Variants in ABR observed in about 807,000 individuals in gnomAD.
ABR encodes the protein active breakpoint cluster region-related protein.
In ABR, 35 loss-of-function variants were observed where a neutral mutation model predicts 107.2. The ratio of observed to expected loss-of-function variants is 0.33; its 90% CI spans 0.25 to 0.43. ABR has a LOEUF of 0.43. Ranked by LOEUF, ABR falls within the 20% of genes least tolerant of loss-of-function variation. ABR has a pLI of 1.00. For synonymous variants in ABR, 498 were observed against 462.0 expected (o/e 1.08, Z -1.00); for missense variants, 815 against 1,115.2 (o/e 0.73, Z 3.83).
In ABR at chr17:1,051,934, C is replaced by G. The variant is rs141461422; in HGVS notation, c.1562-1300G>C. Among the ~76,000 whole-genome samples, 10 of 152,166 alleles carry G rather than the reference C, an allele frequency of 6.6e-5. No homozygotes were observed. The East Asian group carries it at 1.9e-3, about 29-fold the overall frequency. On this transcript the variant is annotated intron_variant, in intron 14 of 22. Transcript: ENST00000302538. This position sits in a 1 kb window ranked among gnomAD's most constrained non-coding sequence, Gnocchi z 4.3. ...ACTAAAAATACAAAAGTGAGCCCGGCGTGGTGGCACATGCCTGTAGTCCCA... is the reference window on the plus strand; with the variant it reads ...ACTAAAAATACAAAAGTGAGCCCGGGGTGGTGGCACATGCCTGTAGTCCCA...
intron 1 of ABR, among the ~76,000 whole-genome samples, chr17:1,225,538 G>C (rs1267115211): frequency 2.6e-5 from 4 of 152,086 alleles, no homozygotes; most frequent in Admixed American, 1.3e-4. Context: ...TGTCATCCCA[G>C]CTACTCAGGA....
chr17:1,199,891 C>CT (rs1440560936), intron 1 of ABR, among the ~76,000 whole-genome samples: 2 of 151,284 alleles, frequency 1.3e-5, no homozygotes, highest in South Asian at 2.1e-4. Flanking sequence ...CATTTTCCAG[C>CT]TTTTTTTGTA....
At chr17:1,062,495 GTTAT>G (rs1479603224) in intron 10 of ABR, among the ~76,000 whole-genome samples, 63 of 121,122 alleles carry the variant, frequency 5.2e-4, no homozygotes, top group African/African-American at 7.7e-4. Flanking sequence ...AGACACTGTT[GTTAT>G]GTGAACTGAG....
chr17:1,009,726 G>C lies in ABR; in HGVS notation c.2295C>G (p.Pro765=), dbSNP rs142492485. 32 of 1,614,166 alleles carry C rather than the reference G, an allele frequency of 2.0e-5. No individual in the cohort carries two copies. The highest frequency in any genetic ancestry group is 2.6e-5 in the Non-Finnish European group (31 of 1,180,020). Residue 765 remains proline, a synonymous_variant, in exon 21 of 23, where the codon CCC becomes CCG. Transcript: ENST00000302538. ...AGAGGAAGGTGATGAGGTTGGGGTC[G>C]GGCAGGGAGCGGAGCAGGTGCATCA... ...NCMMHLLRSL[P]DPNLITFLFL... is the part of the protein sequence containing the mutation.
chr17:1,187,584 C>T (rs986285008), upstream of ABR, among the ~76,000 whole-genome samples: 2 of 152,214 alleles, frequency 1.3e-5, no homozygotes, highest in African/African-American at 4.8e-5. Context: ...CCGGACAAAA[C>T]CTTCACTAAA....
In ABR at chr17:1,004,346, C is replaced by G. The variant is rs1340609678; in HGVS notation, c.*1734G>C. ...TGCACAGAGTATTTACTGTTCTGCC[C>G]AAGGCCACAGGAGTAAACAGGCTCA... On this transcript the variant is annotated 3_prime_UTR_variant, in exon 23 of 23. Coordinates refer to ENST00000302538, the MANE Select transcript of ABR (RefSeq NM_021962.5). The G allele has an allele frequency of 6.6e-6, 1 of 152,494 alleles. No individual in the cohort carries two copies. The highest frequency in any genetic ancestry group is 1.5e-5 in the Non-Finnish European group (1 of 68,082). 9.4% of individuals were successfully genotyped at this position (152,494 alleles called of 1,614,324 possible).
chr17:1,087,317 A>AG (rs1378535150), intron 4 of ABR, among the ~76,000 whole-genome samples: 1 of 150,256 alleles, frequency 6.7e-6, no homozygotes, highest in East Asian at 2.0e-4. Flanking sequence ...GGGTGGGGGT[A>AG]GGGGTGGGGG....
At chr17:1,204,895 C>CTTTTTTTTTTTTTTTTTTTTTTTTT in intron 1 of ABR, among the ~76,000 whole-genome samples, 1 of 70,320 alleles carries the variant, frequency 1.4e-5, no homozygotes, top group Non-Finnish European at 2.6e-5. Context: ...TTTTCTTTTT[C>CTTTTTTTTTTTTTTTTTTTTTTTTT]TTTTTCTTTT....
chr17:1,165,823 A>G (rs2041480250), intron 1 of ABR, among the ~76,000 whole-genome samples: 1 of 152,242 alleles, frequency 6.6e-6, no homozygotes, highest in East Asian at 1.9e-4. Flanking sequence ...GTGGGCCACC[A>G]TGTCCAGCCC....
rs1459826950 is a variant in ABR at position 1,047,601 on chromosome 17, G to A, written c.1791+2449C>T. Among the ~76,000 whole-genome samples, 3 of 152,256 alleles carry A rather than the reference G, an allele frequency of 2.0e-5. No homozygotes were observed. The East Asian group carries it at 5.8e-4, about 29-fold the overall frequency. ...TCTGGCTCTGAACTGTCCGCTCACA[G>A]GCCCAGGTCAGCTGGCAGCAGGAAG... On this transcript the variant is annotated intron_variant, in intron 16 of 22. Coordinates refer to ENST00000302538, the MANE Select transcript of ABR (RefSeq NM_021962.5).
In ABR at chr17:1,042,683, A is replaced by T. The variant is rs542253307; in HGVS notation, c.1791+7367T>A. Among the ~76,000 whole-genome samples, 1,351 of 151,884 alleles carry T rather than the reference A, an allele frequency of 8.9e-3. 9 individuals are homozygous for T. Among genetic ancestry groups the T allele is most frequent in the Non-Finnish European group, 0.014 (925 of 67,874 alleles). On this transcript the variant is annotated intron_variant, in intron 16 of 22. Coordinates refer to ENST00000302538, the MANE Select transcript of ABR (RefSeq NM_021962.5). ...GGCACCTACATCCACAGATGGATGGATAAATAGACGTGGCACCTACATCCA... is the reference window on the plus strand; with the variant it reads ...GGCACCTACATCCACAGATGGATGGTTAAATAGACGTGGCACCTACATCCA...
chr17:1,209,903 C>G (rs975070638), intron 1 of ABR, among the ~76,000 whole-genome samples: 1 of 152,214 alleles, frequency 6.6e-6, no homozygotes, highest in African/African-American at 2.4e-5. Context: ...GCAGGTATCC[C>G]CAGTTATTTA....
chr17:1,221,035 G>A (rs760063097), intron 1 of ABR, among the ~76,000 whole-genome samples: 26 of 152,158 alleles, frequency 1.7e-4, no homozygotes, highest in Non-Finnish European at 3.2e-4. Context: ...TTAATAGATG[G>A]CATAATAATA....
Position 1,078,876 on chromosome 17 carries a change from G to A in ABR, c.700+454C>T, listed in dbSNP as rs572434460. ...AATCTCCATGGCAGCCTCTGTCCCC[G>A]CGGCGGGAGCGTGCAGCCATCGCTC... On this transcript the variant is annotated intron_variant, in intron 6 of 22. Coordinates refer to ENST00000302538, the MANE Select transcript of ABR (RefSeq NM_021962.5). This position sits in a 1 kb window ranked among gnomAD's most constrained non-coding sequence, Gnocchi z 7.5. 1.8e-4 allele frequency: 282 copies of A among 1,535,496 alleles called. 1 individual carries two copies. The South Asian group carries it at 2.3e-3, about 12-fold the overall frequency.
chr17:1,184,252 G>A (rs374063948), upstream of ABR, among the ~76,000 whole-genome samples: 55 of 152,104 alleles, frequency 3.6e-4, no homozygotes, highest in African/African-American at 8.7e-4. Flanking sequence ...TCAGGAGATC[G>A]AGACGATCCT....
rs924020704 is a variant in ABR, at chr17:1,092,178, T to C, written c.346-328A>G. Among the ~76,000 whole-genome samples the C allele has an allele frequency of 4.6e-5, 7 of 152,160 alleles. No homozygotes were observed. The highest frequency in any genetic ancestry group is 9.7e-5 in the African/African-American group (4 of 41,448). ...CGCGTCTTTCTTCCACGATAGCCTG[T>C]GCCCCGAGTCATAAGCTCCTTGTCA... is the stretch of plus-strand genomic sequence containing the variant. On this transcript the variant is annotated intron_variant, in intron 3 of 22. Transcript: ENST00000302538. The surrounding 1 kb of genome is among the most constrained non-coding windows in gnomAD (Gnocchi z 4.6).
chr17:1,169,954 G>T (rs1011577836), intron 1 of ABR, among the ~76,000 whole-genome samples: 1 of 144,056 alleles, frequency 6.9e-6, no homozygotes, highest in African/African-American at 2.6e-5. Context: ...CTTTCTCTGT[G>T]TTTGTGTTTG....
chr17:1,048,689 G>A (rs1199166178), intron 16 of ABR, among the ~76,000 whole-genome samples: 2 of 145,156 alleles, frequency 1.4e-5, no homozygotes, highest in East Asian at 2.0e-4. Flanking sequence ...GATCACCTCC[G>A]GGGCCACGGT....
At chr17:1,194,506 T>C (rs565058593) in intron 1 of ABR, among the ~76,000 whole-genome samples, 1 of 130,338 alleles carries the variant, frequency 7.7e-6, no homozygotes, top group African/African-American at 2.6e-5. Flanking sequence ...CTTCTTTATT[T>C]TTTAGAGACA....
Sources: allele counts gnomAD v4.1 joint callset (sites outside exome capture counted in the v4.1 genomes callset), GRCh38; gene constraint gnomAD v4.1.1; non-coding constraint Gnocchi (gnomAD v3.1); transcripts MANE v1.5; gene names NCBI Gene and HGNC (gene_info 2026-07-23, HGNC 2026-07-21).